WWOX: variants seen among roughly 807,000 people sequenced by gnomAD.
WWOX encodes WW domain containing oxidoreductase, also known as WW domain-containing oxidoreductase.
A neutral mutation model predicts 46.2 loss-of-function variants in WWOX; 69 were observed. That is an observed-to-expected ratio of 1.49 (90% confidence interval 1.23 to 1.82). The LOEUF is 1.82. Ranked by LOEUF, WWOX falls within the 40% of genes most tolerant of loss-of-function variation. The pLI is 0.00. For missense variants in WWOX, 919 were observed against 542.6 expected (o/e 1.69, Z -6.89); for synonymous variants, 359 against 202.6 (o/e 1.77, Z -6.56).
intron 8 of WWOX, among the ~76,000 whole-genome samples, chr16:78,874,940 G>A (rs1435309752): frequency 6.6e-6 from 1 of 152,124 alleles, no homozygotes; most frequent in Non-Finnish European, 1.5e-5. Context: ...ACATGCATTG[G>A]AACCAGGAAG....
intron 6 of WWOX, among the ~76,000 whole-genome samples, chr16:78,400,097 G>A (rs779583419): frequency 2.6e-5 from 4 of 152,064 alleles, no homozygotes; most frequent in Middle Eastern, 3.2e-3. Context: ...ACATAAACGG[G>A]ACCTCTCAAT....
rs1358976499 is a variant in WWOX, at chr16:78,840,780, C to CA, written c.1057-370821dup. Among the ~76,000 whole-genome samples the CA allele has an allele frequency of 1.3e-4, 19 of 150,926 alleles. 1 individual carries two copies. In the South Asian group the frequency reaches 4.0e-3, roughly 32 times the overall value. On this transcript the variant is annotated intron_variant, in intron 8 of 8. Transcript: ENST00000566780. ...TATGTATATATATATGTGGTTTTTT[C>CA]AAAAAAATTGTGGGCACTTAGTAGG...
Position 78,914,610 on chromosome 16 carries a change from C to T in WWOX, c.1057-296998C>T, listed in dbSNP as rs564722587. On this transcript the variant is annotated intron_variant, in intron 8 of 8. Coordinates refer to ENST00000566780, the MANE Select transcript of WWOX (RefSeq NM_016373.4). The stretch of plus-strand genomic sequence containing the variant: ...AAGAGGGAAACCAGGCCGGGAGCAG[C>T]GGCTCACACCTGTAATCCCAGCACT... Among the ~76,000 whole-genome samples, 649 of 151,946 alleles carry T rather than the reference C, an allele frequency of 4.3e-3. 9 individuals are homozygous for T. The highest frequency in any genetic ancestry group is 0.014 in the Middle Eastern group (4 of 294).
At chr16:78,747,791 C>T (rs2049383120) in intron 8 of WWOX, among the ~76,000 whole-genome samples, 1 of 152,202 alleles carries the variant, frequency 6.6e-6, no homozygotes. Flanking sequence ...GCATGGATTG[C>T]TCAACATACC....
intron 8 of WWOX, chr16:79,090,129 A>G (rs1296828560): frequency 2.0e-5 from 3 of 151,910 alleles, no homozygotes; most frequent in Non-Finnish European, 4.4e-5. Context: ...AGCTATAAAT[A>G]TCTGTTTCTT....
At chr16:78,973,159 G>A (rs191933012) in intron 8 of WWOX, among the ~76,000 whole-genome samples, 145 of 152,136 alleles carry the variant, frequency 9.5e-4, no homozygotes, top group Non-Finnish European at 1.6e-3. Context: ...TCTCTGCCAC[G>A]TCCGCCTTTA....
At chr16:79,190,439 C>G (rs1478057072) in intron 8 of WWOX, among the ~76,000 whole-genome samples, 1 of 152,108 alleles carries the variant, frequency 6.6e-6, no homozygotes, top group Non-Finnish European at 1.5e-5. Flanking sequence ...TTGGAATATT[C>G]GTAGGTCTCT....
At chr16:78,546,045 T>A (rs1402103990) in intron 8 of WWOX, among the ~76,000 whole-genome samples, 1 of 152,196 alleles carries the variant, frequency 6.6e-6, no homozygotes, top group Non-Finnish European at 1.5e-5. Flanking sequence ...TGCTCTATGC[T>A]GGGCACAAGG....
At chr16:79,052,700 G>C (rs1285961063) in intron 8 of WWOX, among the ~76,000 whole-genome samples, 1 of 152,188 alleles carries the variant, frequency 6.6e-6, no homozygotes, top group Non-Finnish European at 1.5e-5. Flanking sequence ...AAATGAGCCT[G>C]TCTCCTTTGT....
chr16:79,164,497 G>T (rs996279099), intron 8 of WWOX, among the ~76,000 whole-genome samples: 4 of 151,460 alleles, frequency 2.6e-5, no homozygotes, highest in Non-Finnish European at 5.9e-5. Context: ...TGGGGGGATG[G>T]GGGGAGGCCA....
At chr16:79,206,173 G>GC (rs2051503304) in intron 8 of WWOX, 1 of 152,176 alleles carries the variant, frequency 6.6e-6, no homozygotes, top group Admixed American at 6.5e-5. Context: ...ACACACGACA[G>GC]CCCCCACATT....
intron 8 of WWOX, among the ~76,000 whole-genome samples, chr16:78,873,842 TG>T (rs1261039302): frequency 6.6e-6 from 1 of 152,086 alleles, no homozygotes; most frequent in African/African-American, 2.4e-5. Flanking sequence ...TATGTTTTTT[TG>T]CCAGGCCATG....
intron 8 of WWOX, chr16:78,996,453 T>A: frequency 4.2e-6 from 2 of 481,100 alleles, no homozygotes; most frequent in Non-Finnish European, 5.3e-6. Flanking sequence ...TTCAAAGTGC[T>A]CAGCACTGGG....
At chr16:78,955,189 C>T (rs1047233907) in intron 8 of WWOX, among the ~76,000 whole-genome samples, 2 of 152,132 alleles carry the variant, frequency 1.3e-5, no homozygotes, top group African/African-American at 2.4e-5. Context: ...CTGCAGGGGT[C>T]AGAGATCAGG....
At chr16:79,004,097 C>T (rs1213607937) in intron 8 of WWOX, 4 of 152,212 alleles carry the variant, frequency 2.6e-5, no homozygotes, top group Admixed American at 6.5e-5. Context: ...AGACCATCAT[C>T]TTGTTTGCAT....
intron 8 of WWOX, among the ~76,000 whole-genome samples, chr16:79,021,848 C>T (rs183244509): frequency 2.0e-5 from 3 of 152,284 alleles, no homozygotes; most frequent in Admixed American, 2.0e-4. Flanking sequence ...CACACATACA[C>T]ACAAAAAGTG....
intron 8 of WWOX, among the ~76,000 whole-genome samples, chr16:78,517,516 C>A (rs2043260765): frequency 6.6e-6 from 1 of 152,168 alleles, no homozygotes; most frequent in African/African-American, 2.4e-5. Context: ...TGAATGTCTA[C>A]TGAATTATGT....
At chr16:78,725,519 G>C (rs1482476621) in intron 8 of WWOX, among the ~76,000 whole-genome samples, 3 of 149,622 alleles carry the variant, frequency 2.0e-5, no homozygotes, top group Non-Finnish European at 4.4e-5. Flanking sequence ...GGCTAATTTT[G>C]TATTTTTAGT....
At chr16:79,049,123 G>A (rs1451482809) in intron 8 of WWOX, among the ~76,000 whole-genome samples, 1 of 152,204 alleles carries the variant, frequency 6.6e-6, no homozygotes, top group Non-Finnish European at 1.5e-5. Flanking sequence ...CAGCTAGATA[G>A]CAAATATTTT....
Sources: gnomAD v4.1 joint callset for allele counts (sites outside exome capture counted in the v4.1 genomes callset) on GRCh38, gnomAD v4.1.1 for gene constraint, MANE v1.5 for transcripts, NCBI Gene and HGNC (gene_info 2026-07-23, HGNC 2026-07-21) for gene names.